The following WDR18 variants were observed in gnomAD, a reference collection of about 807,000 sequenced individuals.
The protein encoded by WDR18 is WD repeat domain 18, also known as WD repeat-containing protein 18.
WDR18 carries 33 observed loss-of-function variants against 49.6 expected under a neutral mutation model. The ratio of observed to expected loss-of-function variants is 0.67; its 90% CI spans 0.50 to 0.89. The LOEUF is 0.89. Among genes scored for constraint, WDR18 ranks in the 40% least tolerant of loss-of-function variants. The pLI, the probability that WDR18 is intolerant of heterozygous loss-of-function variation, is 0.00. For synonymous variants in WDR18, 315 were observed against 263.6 expected (o/e 1.19, Z -1.89); for missense variants, 653 against 593.6 (o/e 1.10, Z -1.04).
intron 8 of WDR18, 95 bp from the exon 9 acceptor site, chr19:993,925 C>A: frequency 7.1e-7 from 1 of 1,411,024 alleles, no homozygotes; most frequent in Non-Finnish European, 9.7e-7. Context: ...CCCTCCCTGG[C>A]TGAGTGGCTG....
Position 991,234 on chromosome 19 carries a change from G to C in WDR18, c.814G>C (p.Val272Leu). The change falls in exon 7 of 10, where the codon GTG (valine) becomes CTG (leucine). Residue 272 changes from valine to leucine, a missense_variant. Val to Leu is a conservative substitution (Grantham distance 32). Transcript: ENST00000585809. ...GKVFKGHRNQ[V>L]TCLSVSTDGS... The stretch of plus-strand genomic sequence containing the variant: ...CCCTGTCTGTCTGTCCAGGAACCAG[G>C]TGACTTGCCTGTCAGTGTCCACTGA... The C allele has an allele frequency of 6.4e-7, 1 of 1,574,752 alleles. No individual in the cohort carries two copies. The highest frequency in any genetic ancestry group is 2.3e-5 in the East Asian group (1 of 42,810).
chr19:991,805 T>A, intron 7 of WDR18, 150 bp from the exon 8 acceptor site: 1 of 612,214 alleles, frequency 1.6e-6, no homozygotes. Flanking sequence ...CGTGGACTGG[T>A]CGTGGGGCGG....
chr19:992,408 C>T (rs569077815), intron 8 of WDR18, among the ~76,000 whole-genome samples: 18 of 152,362 alleles, frequency 1.2e-4, no homozygotes, highest in South Asian at 1.0e-3. Flanking sequence ...ATCTGACAGT[C>T]AGTTAGGTCT....
rs1035012752 is a variant in WDR18, at chr19:985,916, G to A, written c.262G>A (p.Ala88Thr). The change falls in exon 2 of 10, where the codon GCA becomes ACA. Residue 88 changes from alanine (A) to threonine (T), a missense_variant. Transcript: ENST00000585809. ...MCPGPVTCLT[A>T]SPNGLYVLAG... ...CCCCGGGCCTGTCACCTGTCTGACT[G>A]CATCACCCAATGGTCTCTACGTCCT... 2 of 1,613,934 alleles carry A rather than the reference G, an allele frequency of 1.2e-6. No individual in the cohort carries two copies. Among genetic ancestry groups the A allele is most frequent in the Non-Finnish European group, 1.7e-6 (2 of 1,179,980 alleles).
At chr19:988,353 G>A (rs1309011052) in intron 2 of WDR18, among the ~76,000 whole-genome samples, 1 of 152,188 alleles carries the variant, frequency 6.6e-6, no homozygotes, top group Non-Finnish European at 1.5e-5. Context: ...CCACGCCACA[G>A]GGACAGGGAC....
In WDR18 at chr19:985,851, CTG is replaced by C; in HGVS notation, c.211-11_211-10del. 6.2e-7 allele frequency: 1 copy of C among 1,613,414 alleles called. No individual in the cohort carries two copies. Among genetic ancestry groups the C allele is most frequent in the Non-Finnish European group, 8.5e-7 (1 of 1,179,652 alleles). On this transcript the variant is annotated splice_polypyrimidine_tract_variant and intron_variant, in intron 1 of 9. Transcript: ENST00000585809. ...TCCTGCATGGGGCTCACGAGGCTGA[CTG>C]TGCATCCTTAGGACCAGCTCCAGCA...
At chr19:994,156 C>T (rs1372269842) in intron 9 of WDR18, 57 bp from the exon 10 acceptor site, 32 of 1,550,362 alleles carry the variant, frequency 2.1e-5, no homozygotes, top group Non-Finnish European at 2.6e-5. Flanking sequence ...GGGTGAGTGG[C>T]CCCCCTCCAG....
chr19:985,884 T>A lies in WDR18; in HGVS notation c.230T>A (p.Ile77Asn). 6.2e-7 allele frequency: 1 copy of A among 1,613,856 alleles called. No individual in the cohort carries two copies. Among genetic ancestry groups the A allele is most frequent in the Non-Finnish European group, 8.5e-7 (1 of 1,179,980 alleles). Residue 77 changes from isoleucine to asparagine, a missense_variant, in exon 2 of 10, where the codon ATC becomes AAC. By Grantham distance (149) the Ile-to-Asn change is moderately radical (BLOSUM62 -3). Coordinates refer to ENST00000585809, the MANE Select transcript of WDR18 (RefSeq NM_024100.4). ...LQRKDQLQQKIMCPGPVTCLT... is the reference protein window; with the variant it reads ...LQRKDQLQQKNMCPGPVTCLT... ...CCTTAGGACCAGCTCCAGCAGAAGATCATGTGCCCCGGGCCTGTCACCTGT... is the reference window on the plus strand; with the variant it reads ...CCTTAGGACCAGCTCCAGCAGAAGAACATGTGCCCCGGGCCTGTCACCTGT...
rs2038541896 is a variant in WDR18 at position 991,210 on chromosome 19, CCTGT to C, written c.807-7_807-4del. 1.9e-5 allele frequency: 30 copies of C among 1,559,046 alleles called. No individual in the cohort carries two copies. The South Asian group carries it at 2.2e-4, about 12-fold the overall frequency. ...CCTGTCTGGCACGTCCCAGGTGACC[CCTGT>C]CTGTCTGTCCAGGAACCAGGTGACT... On this transcript the variant is annotated splice_polypyrimidine_tract_variant and intron_variant, in intron 6 of 9. Transcript: ENST00000585809.
At chr19:990,717 G>A (rs2038533504) in intron 4 of WDR18, 135 bp from the exon 5 acceptor site, 1 of 1,324,998 alleles carries the variant, frequency 7.5e-7, no homozygotes, top group African/African-American at 1.5e-5. Flanking sequence ...CCCACATGGT[G>A]ACGGCTTTCA....
Position 984,410 on chromosome 19 carries a change from C to T in WDR18, c.57C>T (p.Ser19=). Residue 19 remains serine (S), a synonymous_variant, in exon 1 of 10, where the codon AGC becomes AGT. Transcript: ENST00000585809. The part of the protein sequence containing the change: ...VCTDSAAPMW[S]CIVWELHSGA... Reference sequence around the variant, plus strand: ...CGGACTCGGCGGCCCCGATGTGGAGCTGCATCGTGTGGGAACTTCACTCGG... The same window carrying T: ...CGGACTCGGCGGCCCCGATGTGGAGTTGCATCGTGTGGGAACTTCACTCGG... 1.2e-6 allele frequency: 2 copies of T among 1,605,448 alleles called. No individual in the cohort carries two copies. Among genetic ancestry groups the T allele is most frequent in the Non-Finnish European group, 8.5e-7 (1 of 1,177,240 alleles).
Position 990,569 on chromosome 19 carries a change from TC to T in WDR18, c.597+208del, listed in dbSNP as rs1413003503. 4 of 897,872 alleles carry T rather than the reference TC, an allele frequency of 4.5e-6. No individual in the cohort carries two copies. The African/African-American group carries it at 6.8e-5, about 15-fold the overall frequency. The allele number at this position is 897,872 out of a possible 1,614,324, so 55.6% of individuals were successfully genotyped here. A position where few individuals can be genotyped will look rare whatever the true frequency, so the allele number is the denominator to read the frequency against. On this transcript the variant is annotated intron_variant, in intron 4 of 9. Coordinates refer to ENST00000585809, the MANE Select transcript of WDR18 (RefSeq NM_024100.4). Reference sequence around the variant, plus strand: ...ACTCATTCACCGTTTCTGGCCCGGCTCCCTGGCCAAGCCTGGGGAATCGGAG... The same window carrying T: ...ACTCATTCACCGTTTCTGGCCCGGCTCCTGGCCAAGCCTGGGGAATCGGAG...
chr19:987,852 T>TTTC (rs1466728706), intron 2 of WDR18, among the ~76,000 whole-genome samples: 1 of 128,222 alleles, frequency 7.8e-6, no homozygotes, highest in Non-Finnish European at 1.7e-5. Flanking sequence ...TTTTTTTTTT[T>TTTC]CAGATGAAGT....
chr19:991,711 ACGGGGCGGGGCCTGGC>A (rs2038554327), intron 7 of WDR18, among the ~76,000 whole-genome samples: 1 of 772 alleles, frequency 1.3e-3, no homozygotes, highest in African/African-American at 9.8e-3. Context: ...CCTGGCTGGG[ACGGGGCGGGGCCTGGC>A]TGGGACGGGG....
At position 994,357 on chromosome 19, in the gene WDR18, C is replaced by A. The variant is rs772419809; in HGVS notation, c.*13C>A. On this transcript the variant is annotated 3_prime_UTR_variant, in exon 10 of 10. Coordinates refer to ENST00000585809, the MANE Select transcript of WDR18 (RefSeq NM_024100.4). ...GCCGGCCAAGTGAGGCCCGGAGACC[C>A]CGGCCCGAGGCGCCCAGGCCTGAGC... 1 of 1,603,120 alleles carries A rather than the reference C, an allele frequency of 6.2e-7. No homozygotes were observed. The highest frequency in any genetic ancestry group is 2.2e-5 in the East Asian group (1 of 44,518).
At position 990,265 on chromosome 19, in the gene WDR18, C is replaced by G. The variant is rs774196977; in HGVS notation, c.498C>G (p.His166Gln). Residue 166 changes from histidine (H) to glutamine (Q), a missense_variant, in exon 4 of 10, where the codon CAC becomes CAG. Physicochemically the swap from His to Gln is conservative, Grantham distance 24 (BLOSUM62 0). Coordinates refer to ENST00000585809, the MANE Select transcript of WDR18 (RefSeq NM_024100.4). ...ADPSRIPAPR[H>Q]VWSHHALPIT... is the part of the protein sequence containing the mutation. ...CCTCCAGGATTCCGGCGCCCAGGCACGTCTGGTCTCACCACGCGCTCCCCA... is the reference window on the plus strand; with the variant it reads ...CCTCCAGGATTCCGGCGCCCAGGCAGGTCTGGTCTCACCACGCGCTCCCCA... The G allele has an allele frequency of 2.5e-6, 4 of 1,599,248 alleles. No homozygotes were observed. The highest frequency in any genetic ancestry group is 1.1e-5 in the South Asian group (1 of 90,908).
chr19:991,881 T>C, intron 7 of WDR18, 74 bp from the exon 8 acceptor site: 1 of 1,264,182 alleles, frequency 7.9e-7, no homozygotes, highest in African/African-American at 3.0e-5. Context: ...CTGCCCTGGA[T>C]GGGGCGGAAC....
intron 8 of WDR18, among the ~76,000 whole-genome samples, chr19:992,450 GC>G (rs1239561666): frequency 6.6e-6 from 1 of 152,248 alleles, no homozygotes; most frequent in Non-Finnish European, 1.5e-5. Flanking sequence ...CATACTTCGG[GC>G]TGTGAGAGCC....
chr19:989,836 C>T lies in WDR18; in HGVS notation c.396C>T (p.Asp132=), dbSNP rs551141167. 2 of 1,612,716 alleles carry T rather than the reference C, an allele frequency of 1.2e-6. No individual in the cohort carries two copies. Among genetic ancestry groups the T allele is most frequent in the African/African-American group, 1.3e-5 (1 of 75,052 alleles). ...TCTCCTGCCTTCAGTTCACAGGGGACAGCAGCCACTTCATCTCAGGGGGCA... is the reference window on the plus strand; with the variant it reads ...TCTCCTGCCTTCAGTTCACAGGGGATAGCAGCCACTTCATCTCAGGGGGCA... ...QDVSCLQFTG[D]SSHFISGGKD... is the part of the protein sequence containing the mutation. Residue 132 remains aspartate (D), a synonymous_variant, in exon 3 of 10, where the codon GAC becomes GAT. Coordinates refer to ENST00000585809, the MANE Select transcript of WDR18 (RefSeq NM_024100.4).
Sources: gnomAD v4.1 joint callset for allele counts (sites outside exome capture counted in the v4.1 genomes callset) on GRCh38, gnomAD v4.1.1 for gene constraint, MANE v1.5 for transcripts, NCBI Gene and HGNC (gene_info 2026-07-23, HGNC 2026-07-21) for gene names.